The following GABRG2 variants were observed in gnomAD, a reference collection of about 807,000 sequenced individuals.
GABRG2 encodes gamma-aminobutyric acid receptor subunit gamma-2.
GABRG2 carries 16 observed loss-of-function variants against 56.4 expected under a neutral mutation model. That is an observed-to-expected ratio of 0.28 (90% CI 0.19 to 0.43). The LOEUF is 0.43. GABRG2 is among the 20% of genes least tolerant of loss of function. The probability of loss-of-function intolerance (pLI) is 1.00; values close to 1 mark genes in which losing one functional copy is unlikely to be tolerated. For missense variants in GABRG2, 327 were observed against 582.7 expected (o/e 0.56, Z 4.52); for synonymous variants, 208 against 205.5 (o/e 1.01, Z -0.10).
At chr5:162,121,193 T>C (rs1471207859) in intron 6 of GABRG2, among the ~76,000 whole-genome samples, 1 of 152,168 alleles carries the variant, frequency 6.6e-6, no homozygotes, top group Non-Finnish European at 1.5e-5. Context: ...CTGAGTTTAA[T>C]ATTCATCTAG....
intron 6 of GABRG2, among the ~76,000 whole-genome samples, chr5:162,118,162 GA>G (rs990643144): frequency 8.7e-4 from 129 of 147,802 alleles, no homozygotes; most frequent in African/African-American, 2.5e-3. Flanking sequence ...TTTTATCAAG[GA>G]AAAAAAAACC....
rs1765604613 is a variant in GABRG2, at chr5:162,154,831, A to G, written c.*1463A>G. The G allele has an allele frequency of 1.3e-5, 2 of 152,074 alleles. No homozygotes were observed. Among genetic ancestry groups the G allele is most frequent in the Admixed American group, 6.6e-5 (1 of 15,254 alleles). The allele number at this position is 152,074 out of a possible 1,614,324, so 9.4% of individuals were successfully genotyped here. A position where few individuals can be genotyped will look rare whatever the true frequency, so the allele number is the denominator to read the frequency against. ...TGAAGATTAGCTTTTAAAAACTGAAAAAAAAAAATGAATGACTCACATAGA... is the reference window on the plus strand; with the variant it reads ...TGAAGATTAGCTTTTAAAAACTGAAGAAAAAAAATGAATGACTCACATAGA... On this transcript the variant is annotated 3_prime_UTR_variant, in exon 10 of 10. Coordinates refer to ENST00000639213, the MANE Select transcript of GABRG2 (RefSeq NM_198904.4).
chr5:162,152,335 C>T (rs1482524980), intron 9 of GABRG2: 6 of 312,328 alleles, frequency 1.9e-5, no homozygotes, highest in Non-Finnish European at 3.2e-5. Context: ...GATTCTGAGA[C>T]GTTAGAATTT....
At chr5:162,087,840 A>T (rs1302690738) in intron 1 of GABRG2, among the ~76,000 whole-genome samples, 3 of 152,136 alleles carry the variant, frequency 2.0e-5, no homozygotes, top group Non-Finnish European at 2.9e-5. Flanking sequence ...TTAATAAAGT[A>T]AACAATTTGC....
intron 6 of GABRG2, among the ~76,000 whole-genome samples, chr5:162,105,621 G>A (rs920686845): frequency 2.0e-5 from 3 of 151,562 alleles, no homozygotes; most frequent in South Asian, 2.1e-4. Context: ...TAGTAGAGAC[G>A]TGGTTTCACC....
rs573159939 is a variant in GABRG2 at position 162,067,802 on chromosome 5, A to G, written c.-198A>G. The G allele has an allele frequency of 6.0e-5, 37 of 618,514 alleles. No individual in the cohort carries two copies. Among genetic ancestry groups the G allele is most frequent in the African/African-American group, 3.5e-4 (19 of 54,224 alleles). The allele number at this position is 618,514 out of a possible 1,614,324, so 38.3% of individuals were successfully genotyped here. On this transcript the variant is annotated 5_prime_UTR_variant, in exon 1 of 10. Coordinates refer to ENST00000639213, the MANE Select transcript of GABRG2 (RefSeq NM_198904.4). ...GAGTGACGCTTTGATGGTATCTGCAAGCGTTTTTGCTGATCTTATCTCTGC... is the reference window on the plus strand; with the variant it reads ...GAGTGACGCTTTGATGGTATCTGCAGGCGTTTTTGCTGATCTTATCTCTGC...
At chr5:162,076,618 T>C (rs1054484596) in intron 1 of GABRG2, among the ~76,000 whole-genome samples, 1 of 152,126 alleles carries the variant, frequency 6.6e-6, no homozygotes, top group South Asian at 2.1e-4. Flanking sequence ...CCCAAAGACA[T>C]TGTAAAACAT....
At chr5:162,145,294 T>G (rs1764873661) in intron 7 of GABRG2, among the ~76,000 whole-genome samples, 1 of 152,168 alleles carries the variant, frequency 6.6e-6, no homozygotes. Context: ...TTATTTCTGG[T>G]GTAGTGACAA....
In GABRG2 at chr5:162,067,954, CT is replaced by C; in HGVS notation, c.-45del. On this transcript the variant is annotated 5_prime_UTR_variant, in exon 1 of 10. Coordinates refer to ENST00000639213, the MANE Select transcript of GABRG2 (RefSeq NM_198904.4). Reference sequence around the variant, plus strand: ...AATAATACAAAGGGGAGGGATTCTTCTGCAACCAAGAGGCAAGAGGCGAGAG... The same window carrying C: ...AATAATACAAAGGGGAGGGATTCTTCGCAACCAAGAGGCAAGAGGCGAGAG... The C allele has an allele frequency of 7.6e-7, 1 of 1,323,816 alleles. No homozygotes were observed. Among genetic ancestry groups the C allele is most frequent in the Non-Finnish European group, 1.1e-6 (1 of 920,598 alleles). 82.0% of individuals were successfully genotyped at this position (1,323,816 alleles called of 1,614,324 possible). A position where few individuals can be genotyped will look rare whatever the true frequency, so the allele number is the denominator to read the frequency against.
Position 162,068,099 on chromosome 5 carries a change from T to C in GABRG2, c.100T>C (p.Tyr34His). 2 of 1,612,100 alleles carry C rather than the reference T, an allele frequency of 1.2e-6. No individual in the cohort carries two copies. The highest frequency in any genetic ancestry group is 1.1e-5 in the South Asian group (1 of 91,024). The change falls in exon 1 of 10, where the codon TAC becomes CAC. Residue 34 changes from tyrosine (Y) to histidine (H), a missense_variant. Around this residue, in one of 4 missense-constraint regions of GABRG2, gnomAD observed 73 missense variants for 72.2 expected, o/e 1.01. Coordinates refer to ENST00000639213, the MANE Select transcript of GABRG2 (RefSeq NM_198904.4). ...GTGGATTCTGCTCCTGCTGTCGCTC[T>C]ACCCTGGGTAAGATGTGCCCTTTTT... ...TVWILLLLSL[Y>H]PGFTSQKSDD...
intron 1 of GABRG2, among the ~76,000 whole-genome samples, chr5:162,086,670 A>G (rs1034856482): frequency 9.9e-5 from 15 of 152,124 alleles, no homozygotes; most frequent in Non-Finnish European, 1.3e-4. Context: ...TCTTGTCATT[A>G]AATTTTATGT....
chr5:162,079,397 G>A (rs182317303), intron 1 of GABRG2, among the ~76,000 whole-genome samples: 2 of 152,294 alleles, frequency 1.3e-5, no homozygotes, highest in East Asian at 1.9e-4. Flanking sequence ...GCACATGCAC[G>A]TAAAGCACAA....
At chr5:162,071,664 AT>A (rs1304455077) in intron 1 of GABRG2, among the ~76,000 whole-genome samples, 7 of 152,024 alleles carry the variant, frequency 4.6e-5, no homozygotes, top group South Asian at 2.1e-4. Context: ...GTAGAAAAAA[AT>A]ATTTTGATTC....
intron 1 of GABRG2, among the ~76,000 whole-genome samples, chr5:162,093,200 T>G (rs1475211211): frequency 6.6e-6 from 1 of 152,164 alleles, no homozygotes; most frequent in Non-Finnish European, 1.5e-5. Flanking sequence ...GTCTGTAACA[T>G]TTTTCTTCAT....
At chr5:162,075,339 C>G (rs1034676965) in intron 1 of GABRG2, among the ~76,000 whole-genome samples, 3 of 152,020 alleles carry the variant, frequency 2.0e-5, no homozygotes, top group African/African-American at 7.2e-5. Flanking sequence ...TTGCTCAGAG[C>G]TCACCTTCTC....
At chr5:162,081,577 A>G (rs536134538) in intron 1 of GABRG2, among the ~76,000 whole-genome samples, 10 of 152,170 alleles carry the variant, frequency 6.6e-5, no homozygotes, top group African/African-American at 1.9e-4. Flanking sequence ...GAATATAATT[A>G]GAGACACATA....
At chr5:162,091,583 G>T (rs1760592263) in intron 1 of GABRG2, among the ~76,000 whole-genome samples, 1 of 151,942 alleles carries the variant, frequency 6.6e-6, no homozygotes, top group Non-Finnish European at 1.5e-5. Flanking sequence ...TTCCCAAACA[G>T]GTACTCTTAA....
At chr5:162,114,502 C>T (rs210980) in intron 6 of GABRG2, among the ~76,000 whole-genome samples, 124,466 of 151,996 alleles carry the variant, frequency 0.82, 51,086 homozygotes, top group Admixed American at 0.85. Flanking sequence ...GCACCATTTG[C>T]ACCCCAGCCT....
rs1581275882 is a variant in GABRG2 at position 162,067,989 on chromosome 5, A to G, written c.-11A>G. The G allele has an allele frequency of 1.3e-6, 2 of 1,599,238 alleles. No individual in the cohort carries two copies. The highest frequency in any genetic ancestry group is 8.6e-7 in the Non-Finnish European group (1 of 1,167,170). ...GAGGCAAGAGGCGAGAGAAGGAAAA[A>G]AAAAAAAGCGATGAGTTCGCCAAAT... On this transcript the variant is annotated 5_prime_UTR_variant, in exon 1 of 10. Coordinates refer to ENST00000639213, the MANE Select transcript of GABRG2 (RefSeq NM_198904.4).
Sources: allele counts gnomAD v4.1 joint callset (sites outside exome capture counted in the v4.1 genomes callset), GRCh38; gene constraint gnomAD v4.1.1; regional missense constraint gnomAD v4.1.1; transcripts MANE v1.5; gene names NCBI Gene and HGNC (gene_info 2026-07-23, HGNC 2026-07-21).